Variants in TMEM178B observed in about 807,000 individuals in gnomAD.
TMEM178B encodes the protein transmembrane protein 178B.
Under a neutral mutation model 31.0 loss-of-function variants are expected in TMEM178B, and 5 were observed. That is an observed-to-expected ratio of 0.16 (90% confidence interval 0.08 to 0.34). The LOEUF is 0.34. Among genes scored for constraint, TMEM178B ranks in the 10% least tolerant of loss-of-function variants. TMEM178B has a pLI of 1.00. For missense variants in TMEM178B, 275 were observed against 400.3 expected (o/e 0.69, Z 2.67); for synonymous variants, 164 against 164.0 (o/e 1.00, Z 0.00).
intron 1 of TMEM178B, among the ~76,000 whole-genome samples, chr7:141,193,912 G>A (rs1394803385): frequency 6.6e-6 from 1 of 152,206 alleles, no homozygotes; most frequent in African/African-American, 2.4e-5. Flanking sequence ...CTGGCCTCAG[G>A]CCACCTCATA....
At chr7:141,298,488 C>T (rs1173327217) in intron 2 of TMEM178B, among the ~76,000 whole-genome samples, 3 of 152,218 alleles carry the variant, frequency 2.0e-5, no homozygotes, top group African/African-American at 7.2e-5. Flanking sequence ...AATAGAGTAG[C>T]TGGCAGTGGA....
intron 2 of TMEM178B, among the ~76,000 whole-genome samples, chr7:141,214,527 A>G (rs1318362406): frequency 6.6e-6 from 1 of 152,240 alleles, no homozygotes; most frequent in Non-Finnish European, 1.5e-5. Flanking sequence ...TTTTTTAGCA[A>G]GAAGGAAAAT....
In TMEM178B at chr7:141,266,884, T is replaced by TA. The variant is rs1411617434; in HGVS notation, c.496+54181dup. On this transcript the variant is annotated intron_variant, in intron 2 of 3. Transcript: ENST00000565468. ...GTTAGGGAGCATTTTTCAATGCTCT[T>TA]ACTACAGTTGAATTTTCTGAAGATG... 5.9e-5 allele frequency among the ~76,000 whole-genome samples: 9 copies of TA among 152,378 alleles called. No individual in the cohort carries two copies. The East Asian group carries it at 1.7e-3, about 29-fold the overall frequency.
At chr7:141,119,924 A>G (rs1412835399) in intron 1 of TMEM178B, among the ~76,000 whole-genome samples, 2 of 152,200 alleles carry the variant, frequency 1.3e-5, no homozygotes, top group Admixed American at 1.3e-4. Context: ...AAGTGTTATC[A>G]TCAAGGCATA....
chr7:141,262,014 C>A (rs1798021548), intron 2 of TMEM178B, among the ~76,000 whole-genome samples: 1 of 152,078 alleles, frequency 6.6e-6, no homozygotes, highest in African/African-American at 2.4e-5. Context: ...GCCACAAGGA[C>A]CTTACAGCTC....
intron 3 of TMEM178B, among the ~76,000 whole-genome samples, chr7:141,456,900 G>A (rs755126325): frequency 7.9e-5 from 12 of 152,288 alleles, no homozygotes; most frequent in African/African-American, 1.2e-4. Flanking sequence ...TCTCAGTTTC[G>A]TTAAGAAGCC....
At chr7:141,118,004 G>A (rs367604724) in intron 1 of TMEM178B, among the ~76,000 whole-genome samples, 13 of 152,222 alleles carry the variant, frequency 8.5e-5, no homozygotes, top group African/African-American at 3.1e-4. Context: ...ATCTGTGGTG[G>A]AGTAAAATAT....
At chr7:141,327,147 A>G (rs988072158) in intron 2 of TMEM178B, among the ~76,000 whole-genome samples, 9 of 152,134 alleles carry the variant, frequency 5.9e-5, no homozygotes, top group African/African-American at 2.2e-4. Context: ...GTCTTTTACT[A>G]TTCCTAAATT....
chr7:141,248,726 C>A (rs1450180107), intron 2 of TMEM178B, among the ~76,000 whole-genome samples: 1 of 152,156 alleles, frequency 6.6e-6, no homozygotes, highest in Non-Finnish European at 1.5e-5. Flanking sequence ...ATGGAGCTTG[C>A]AGGACTGCAA....
chr7:141,307,543 A>G (rs1370505265), intron 2 of TMEM178B, among the ~76,000 whole-genome samples: 4 of 152,180 alleles, frequency 2.6e-5, no homozygotes, highest in African/African-American at 9.7e-5. Context: ...CTGCCGGAGC[A>G]CATATATACC....
intron 2 of TMEM178B, among the ~76,000 whole-genome samples, chr7:141,296,021 T>A (rs1266089093): frequency 6.6e-6 from 1 of 151,988 alleles, no homozygotes; most frequent in Non-Finnish European, 1.5e-5. Context: ...CAGAAAAAAA[T>A]TAAATGCAAC....
intron 2 of TMEM178B, among the ~76,000 whole-genome samples, chr7:141,316,277 T>C (rs1799004329): frequency 6.6e-6 from 1 of 152,108 alleles, no homozygotes; most frequent in Non-Finnish European, 1.5e-5. Context: ...ATTGCTCACA[T>C]TTTTCTGAGG....
intron 2 of TMEM178B, among the ~76,000 whole-genome samples, chr7:141,393,241 A>G (rs543729962): frequency 6.6e-6 from 1 of 152,320 alleles, no homozygotes; most frequent in East Asian, 1.9e-4. Context: ...TGTGAAACCA[A>G]GAACTCTTAA....
At chr7:141,326,786 C>T (rs567571720) in intron 2 of TMEM178B, among the ~76,000 whole-genome samples, 2 of 152,290 alleles carry the variant, frequency 1.3e-5, no homozygotes, top group African/African-American at 4.8e-5. Flanking sequence ...GATCCCCATT[C>T]TAGACTTGTG....
intron 2 of TMEM178B, among the ~76,000 whole-genome samples, chr7:141,427,563 A>T (rs1801342265): frequency 6.6e-6 from 1 of 152,240 alleles, no homozygotes; most frequent in Non-Finnish European, 1.5e-5. Context: ...CTCAAAATGG[A>T]TTAAAGACTT....
chr7:141,113,239 A>G (rs1013918048), intron 1 of TMEM178B, among the ~76,000 whole-genome samples: 1 of 152,200 alleles, frequency 6.6e-6, no homozygotes, highest in African/African-American at 2.4e-5. Context: ...CTTGTTTAAC[A>G]GTAGAGTCCA....
chr7:141,420,479 C>T (rs1214815470), intron 2 of TMEM178B, among the ~76,000 whole-genome samples: 1 of 152,056 alleles, frequency 6.6e-6, no homozygotes, highest in Non-Finnish European at 1.5e-5. Context: ...TTTGAATGAG[C>T]TTTAACCATC....
At chr7:141,208,852 C>G (rs1428862559) in intron 1 of TMEM178B, among the ~76,000 whole-genome samples, 2 of 152,254 alleles carry the variant, frequency 1.3e-5, no homozygotes, top group Admixed American at 1.3e-4. Context: ...GTACTTTCCT[C>G]ACACAAGAGG....
At chr7:141,146,197 T>A (rs1188524632) in intron 1 of TMEM178B, among the ~76,000 whole-genome samples, 2 of 152,166 alleles carry the variant, frequency 1.3e-5, no homozygotes, top group African/African-American at 4.8e-5. Context: ...AGGATTTGGG[T>A]GTAGAGCCAG....
Sources: gnomAD v4.1 joint callset for allele counts (sites outside exome capture counted in the v4.1 genomes callset) on GRCh38, gnomAD v4.1.1 for gene constraint, MANE v1.5 for transcripts, NCBI Gene and HGNC (gene_info 2026-07-23, HGNC 2026-07-21) for gene names.